CEPT1: variants seen among roughly 807,000 people sequenced by gnomAD.
CEPT1 encodes choline/ethanolamine phosphotransferase 1.
In CEPT1, 7 loss-of-function variants were observed where a neutral mutation model predicts 42.6. The ratio of observed to expected loss-of-function variants is 0.16; its 90% confidence interval spans 0.09 to 0.31. The LOEUF is 0.31. Among genes scored for constraint, CEPT1 ranks in the 10% least tolerant of loss-of-function variants. The pLI is 1.00. For synonymous variants in CEPT1, 171 were observed against 171.9 expected (o/e 0.99, Z 0.04); for missense variants, 306 against 502.1 (o/e 0.61, Z 3.73).
At chr1:111,142,020 T>C (rs1471238120) in intron 1 of CEPT1, among the ~76,000 whole-genome samples, 1 of 152,146 alleles carries the variant, frequency 6.6e-6, no homozygotes, top group Admixed American at 6.5e-5. Context: ...GTGTATTGTG[T>C]AAGCTTACCT....
At chr1:111,174,427 CAG>C (rs902256781) in intron 4 of CEPT1, among the ~76,000 whole-genome samples, 7 of 151,904 alleles carry the variant, frequency 4.6e-5, no homozygotes, top group Admixed American at 6.6e-5. Context: ...GTAAGTTTTA[CAG>C]AGTCTTAGTG....
At chr1:111,171,621 A>G (rs543211804) in intron 4 of CEPT1, among the ~76,000 whole-genome samples, 7 of 152,328 alleles carry the variant, frequency 4.6e-5, no homozygotes, top group Non-Finnish European at 7.4e-5. Flanking sequence ...CTGGCTTGTC[A>G]TAGTAATTTA....
chr1:111,142,487 C>T (rs769591988), intron 1 of CEPT1, among the ~76,000 whole-genome samples: 6 of 152,006 alleles, frequency 3.9e-5, no homozygotes, highest in Admixed American at 6.6e-5. Flanking sequence ...GTTAATTGTT[C>T]AGTAAGTACT....
At position 111,147,785 on chromosome 1, in the gene CEPT1, A is replaced by C; in HGVS notation, c.71A>C (p.His24Pro). ...SHPESPVGFGHMSTTGCVLNK... is the reference protein window; with the variant it reads ...SHPESPVGFGPMSTTGCVLNK... The stretch of plus-strand genomic sequence containing the variant: ...CCGGAGTCCCCAGTGGGCTTCGGGC[A>C]TATGAGTACTACAGGATGTGTATTA... The change falls in exon 2 of 9, where the codon CAT becomes CCT. Residue 24 changes from histidine (H) to proline (P), a missense_variant. Transcript: ENST00000357172. 6.2e-7 allele frequency: 1 copy of C among 1,614,180 alleles called. No individual in the cohort carries two copies. The highest frequency in any genetic ancestry group is 8.5e-7 in the Non-Finnish European group (1 of 1,180,008).
At chr1:111,140,755 G>A (rs1654453941) in intron 1 of CEPT1, 1 of 152,332 alleles carries the variant, frequency 6.6e-6, no homozygotes, top group African/African-American at 2.4e-5. Flanking sequence ...ATCCTCTGCC[G>A]GGTTTGTCTC....
chr1:111,145,143 G>C (rs1236911580), intron 1 of CEPT1, among the ~76,000 whole-genome samples: 1 of 151,980 alleles, frequency 6.6e-6, no homozygotes, highest in African/African-American at 2.4e-5. Context: ...AGCCTCCTCA[G>C]TAGCTGGGAT....
At chr1:111,155,583 G>A (rs1437203149) in intron 2 of CEPT1, among the ~76,000 whole-genome samples, 4 of 151,166 alleles carry the variant, frequency 2.6e-5, no homozygotes, top group Non-Finnish European at 4.4e-5. Flanking sequence ...TTTATTGTCC[G>A]GGCTGGAGTG....
At chr1:111,149,054 C>T (rs1440920287) in intron 2 of CEPT1, among the ~76,000 whole-genome samples, 5 of 152,008 alleles carry the variant, frequency 3.3e-5, no homozygotes, top group African/African-American at 1.2e-4. Flanking sequence ...CACCATTCAA[C>T]CCTCTATTCT....
chr1:111,140,040 T>C (rs1012620409), upstream of CEPT1: 1 of 152,490 alleles, frequency 6.6e-6, no homozygotes, highest in African/African-American at 2.4e-5. Flanking sequence ...CGACTTACCT[T>C]ACCAGACCGA....
At chr1:111,157,625 T>C (rs74619038) in intron 2 of CEPT1, among the ~76,000 whole-genome samples, 3,532 of 152,296 alleles carry the variant, frequency 0.023, 138 homozygotes, top group African/African-American at 0.079. Flanking sequence ...CAGGATTAAT[T>C]ACTCAGTTCA....
At chr1:111,158,911 T>TCCAACCTGCAGGTAAAAA (rs1557929422) in intron 2 of CEPT1, among the ~76,000 whole-genome samples, 3 of 119,750 alleles carry the variant, frequency 2.5e-5, no homozygotes, top group African/African-American at 7.2e-5. Flanking sequence ...TCTTTTTTTT[T>TCCAACCTGCAGGTAAAAA]TTTTTTTTTT....
intron 4 of CEPT1, among the ~76,000 whole-genome samples, chr1:111,174,202 A>C (rs1656562964): frequency 6.6e-6 from 1 of 152,146 alleles, no homozygotes; most frequent in African/African-American, 2.4e-5. Flanking sequence ...TCAGGCTTCT[A>C]ATTTCTGCTG....
intron 1 of CEPT1, among the ~76,000 whole-genome samples, chr1:111,146,593 A>G (rs1448024696): frequency 6.6e-6 from 1 of 152,128 alleles, no homozygotes; most frequent in Non-Finnish European, 1.5e-5. Context: ...TCACCACTTC[A>G]AACCATTGAG....
chr1:111,176,781 A>G (rs1007592353), intron 5 of CEPT1, among the ~76,000 whole-genome samples: 3 of 152,190 alleles, frequency 2.0e-5, no homozygotes, highest in Non-Finnish European at 4.4e-5. Context: ...TGGATGAAAC[A>G]AAGTGTGTGT....
rs1230662787 is a variant in CEPT1, at chr1:111,184,877, C to T, written c.*567C>T. The T allele has an allele frequency of 4.8e-5, 6 of 124,974 alleles. No individual in the cohort carries two copies. The highest frequency in any genetic ancestry group is 1.8e-4 in the African/African-American group (6 of 33,218). 7.7% of individuals were successfully genotyped at this position (124,974 alleles called of 1,614,324 possible). A position where few individuals can be genotyped will look rare whatever the true frequency, so the allele number is the denominator to read the frequency against. ...TTTTTTTTTTTTTTTTTTAATTGCT[C>T]AAGAAATGATTCTCTCACAGGCTTG... On this transcript the variant is annotated 3_prime_UTR_variant, in exon 9 of 9. Coordinates refer to ENST00000357172, the MANE Select transcript of CEPT1 (RefSeq NM_006090.5).
At chr1:111,168,549 A>C (rs1656255241) in intron 4 of CEPT1, among the ~76,000 whole-genome samples, 2 of 147,366 alleles carry the variant, frequency 1.4e-5, no homozygotes, top group African/African-American at 5.1e-5. Context: ...AGTGCGGTGG[A>C]GCTATCTCAG....
chr1:111,144,810 A>G (rs991532840), intron 1 of CEPT1, among the ~76,000 whole-genome samples: 4 of 152,214 alleles, frequency 2.6e-5, no homozygotes, highest in Admixed American at 2.0e-4. Flanking sequence ...TTGCTCGACT[A>G]TAGAAAATTT....
rs1271785897 is a variant in CEPT1 at position 111,184,325 on chromosome 1, T to C, written c.*15T>C. The C allele has an allele frequency of 6.3e-7, 1 of 1,595,638 alleles. No homozygotes were observed. Among genetic ancestry groups the C allele is most frequent in the African/African-American group, 1.3e-5 (1 of 74,446 alleles). Reference sequence around the variant, plus strand: ...ATCATCATTAATGATGTAATTGGTATATAGGAACATCATGTTTTCTGCAGG... The same window carrying C: ...ATCATCATTAATGATGTAATTGGTACATAGGAACATCATGTTTTCTGCAGG... On this transcript the variant is annotated 3_prime_UTR_variant, in exon 9 of 9. Coordinates refer to ENST00000357172, the MANE Select transcript of CEPT1 (RefSeq NM_006090.5).
intron 3 of CEPT1, chr1:111,160,616 TGCAGGATG>T (rs773559899): frequency 6.5e-6 from 1 of 152,770 alleles, no homozygotes; most frequent in Non-Finnish European, 1.5e-5. Context: ...ACCAGCTGAC[TGCAGGATG>T]GCAGGATGGC....
Sources: allele counts gnomAD v4.1 joint callset (sites outside exome capture counted in the v4.1 genomes callset), GRCh38; gene constraint gnomAD v4.1.1; transcripts MANE v1.5; gene names NCBI Gene and HGNC (gene_info 2026-07-23, HGNC 2026-07-21).